The following RNF144B variants were observed in gnomAD, a reference collection of about 807,000 sequenced individuals.
RNF144B encodes the protein ring finger protein 144B, also known as E3 ubiquitin-protein ligase RNF144B.
RNF144B carries 25 observed loss-of-function variants against 40.2 expected under a neutral mutation model. The ratio of observed to expected loss-of-function variants is 0.62; its 90% CI spans 0.45 to 0.87. RNF144B has a LOEUF of 0.87. Among genes scored for constraint, RNF144B ranks in the 40% least tolerant of loss-of-function variants. RNF144B has a pLI of 0.00. For missense variants in RNF144B, 365 were observed against 373.7 expected (o/e 0.98, Z 0.19); for synonymous variants, 145 against 136.3 (o/e 1.06, Z -0.44).
Position 18,459,677 on chromosome 6 carries a change from A to G in RNF144B, c.607A>G (p.Asn203Asp), listed in dbSNP as rs1426090975. Residue 203 changes from asparagine to aspartate, a missense_variant, in exon 6 of 8, where the codon AAT (asparagine) becomes GAT (aspartate). Coordinates refer to ENST00000259939, the MANE Select transcript of RNF144B (RefSeq NM_182757.4). The surrounding 1 kb of genome is among the most constrained non-coding windows in gnomAD (Gnocchi z 4.2). Reference protein sequence around the residue: ...CPVCRVYIERNEGCAQMMCKN... With the variant: ...CPVCRVYIERDEGCAQMMCKN... ...AGTTTGCCGGGTTTATATCGAACGC[A>G]ATGAAGGCTGCGCTCAGATGATGTG... The G allele has an allele frequency of 2.5e-6, 4 of 1,614,024 alleles. No homozygotes were observed. The highest frequency in any genetic ancestry group is 3.4e-6 in the Non-Finnish European group (4 of 1,180,010).
intron 1 of RNF144B, chr6:18,396,910 A>G (rs1291170424): frequency 4.2e-6 from 3 of 717,276 alleles, no homozygotes; most frequent in East Asian, 2.6e-4. Context: ...GTGCAGGTCT[A>G]TTTGAATTTA....
chr6:18,418,725 G>A lies in RNF144B; in HGVS notation c.166-8856G>A, dbSNP rs568265789. ...TTAGATGGGTGCATTGTATGGGTACGTGAATTATATCTCAGTTATAGATAT... is the reference window on the plus strand; with the variant it reads ...TTAGATGGGTGCATTGTATGGGTACATGAATTATATCTCAGTTATAGATAT... On this transcript the variant is annotated intron_variant, in intron 2 of 7. Transcript: ENST00000259939. This position sits in a 1 kb window ranked among gnomAD's most constrained non-coding sequence, Gnocchi z 5.2. 3.3e-5 allele frequency among the ~76,000 whole-genome samples: 5 copies of A among 152,064 alleles called. No individual in the cohort carries two copies. The highest frequency in any genetic ancestry group is 2.1e-4 in the South Asian group (1 of 4,826).
intron 2 of RNF144B, among the ~76,000 whole-genome samples, chr6:18,403,773 G>C (rs188486441): frequency 1.1e-4 from 17 of 152,152 alleles, no homozygotes; most frequent in African/African-American, 4.1e-4. Context: ...TGGAAAGTTA[G>C]AGAAGCACGG....
intron 2 of RNF144B, among the ~76,000 whole-genome samples, chr6:18,420,347 T>C (rs1046664449): frequency 1.3e-5 from 2 of 152,134 alleles, no homozygotes; most frequent in African/African-American, 4.8e-5. Flanking sequence ...CAGTAAGTGC[T>C]GGATTCAGGC....
At position 18,418,642 on chromosome 6, in the gene RNF144B, A is replaced by G. The variant is rs1056817467; in HGVS notation, c.166-8939A>G. On this transcript the variant is annotated intron_variant, in intron 2 of 7. Transcript: ENST00000259939. The surrounding 1 kb of genome is among the most constrained non-coding windows in gnomAD (Gnocchi z 5.2). Reference sequence around the variant, plus strand: ...TTTTGGGATTATGAAATGTTCTAAAATCAAATTTGGTGATAGTTATACACT... The same window carrying G: ...TTTTGGGATTATGAAATGTTCTAAAGTCAAATTTGGTGATAGTTATACACT... Among the ~76,000 whole-genome samples, 2 of 152,152 alleles carry G rather than the reference A, an allele frequency of 1.3e-5. No homozygotes were observed.
At chr6:18,437,733 T>A (rs1758854453) in intron 3 of RNF144B, among the ~76,000 whole-genome samples, 1 of 152,254 alleles carries the variant, frequency 6.6e-6, no homozygotes, top group African/African-American at 2.4e-5. Context: ...TTTATTTTTC[T>A]AATTTAAAAT....
In RNF144B at chr6:18,395,852, G is replaced by C. The variant is rs1273398985; in HGVS notation, c.-36-3647G>C. 6.6e-6 allele frequency among the ~76,000 whole-genome samples: 1 copy of C among 152,220 alleles called. No homozygotes were observed. Among genetic ancestry groups the C allele is most frequent in the East Asian group, 1.9e-4 (1 of 5,170 alleles). ...AGATTTTTGTTTTTGAAAGCTCATT[G>C]CTTGAAAAATGTCTGAGAGCCATTG... On this transcript the variant is annotated intron_variant, in intron 1 of 7. Transcript: ENST00000259939. The surrounding 1 kb of genome is among the most constrained non-coding windows in gnomAD (Gnocchi z 4.5).
Position 18,468,760 on chromosome 6 carries a change from T to G in RNF144B, c.*3693T>G, listed in dbSNP as rs1336888155. 1.3e-5 allele frequency: 2 copies of G among 152,200 alleles called. No homozygotes were observed. The highest frequency in any genetic ancestry group is 4.8e-5 in the African/African-American group (2 of 41,438). The allele number at this position is 152,200 out of a possible 1,614,324, so 9.4% of individuals were successfully genotyped here. A position where few individuals can be genotyped will look rare whatever the true frequency, so the allele number is the denominator to read the frequency against. ...TATTATGTCTCATGTTGATTCATGA[T>G]CCAGGAAGTTTTATGTATTTAAAAA... On this transcript the variant is annotated 3_prime_UTR_variant, in exon 8 of 8. Transcript: ENST00000259939.
chr6:18,456,139 G>A lies in RNF144B; in HGVS notation c.332-1016G>A, dbSNP rs1271620337. Among the ~76,000 whole-genome samples, 2 of 152,152 alleles carry A rather than the reference G, an allele frequency of 1.3e-5. No individual in the cohort carries two copies. The highest frequency in any genetic ancestry group is 3.9e-4 in the East Asian group (2 of 5,184). On this transcript the variant is annotated intron_variant, in intron 4 of 7. Transcript: ENST00000259939. This position sits in a 1 kb window ranked among gnomAD's most constrained non-coding sequence, Gnocchi z 4.7. The stretch of plus-strand genomic sequence containing the variant: ...GTGTTTCACCCTGTTAGCCAGGATG[G>A]TCTTGATCTCCTAACCTTGTGATCC...
At chr6:18,415,300 A>G (rs990289191) in intron 2 of RNF144B, among the ~76,000 whole-genome samples, 1 of 152,208 alleles carries the variant, frequency 6.6e-6, no homozygotes, top group Non-Finnish European at 1.5e-5. Flanking sequence ...TATCAACAAC[A>G]GAAATCCACT....
rs1328008017 is a variant in RNF144B at position 18,456,731 on chromosome 6, T to C, written c.332-424T>C. Among the ~76,000 whole-genome samples, 1 of 152,170 alleles carries C rather than the reference T, an allele frequency of 6.6e-6. No homozygotes were observed. Among genetic ancestry groups the C allele is most frequent in the Non-Finnish European group, 1.5e-5 (1 of 68,024 alleles). ...GACTAATAGTAGAAATCCTCACCCT[T>C]GTTGTATTATACTTCCATAAATGTC... On this transcript the variant is annotated intron_variant, in intron 4 of 7. Transcript: ENST00000259939. The surrounding 1 kb of genome is among the most constrained non-coding windows in gnomAD (Gnocchi z 4.7).
intron 4 of RNF144B, among the ~76,000 whole-genome samples, chr6:18,453,425 A>T (rs1759257732): frequency 6.6e-6 from 1 of 151,932 alleles, no homozygotes; most frequent in Admixed American, 6.6e-5. Context: ...GGCATGAGCT[A>T]CTGCACCCAG....
intron 2 of RNF144B, 105 bp downstream of exon 2, chr6:18,399,804 A>G (rs1340951120): frequency 2.3e-6 from 2 of 852,308 alleles, no homozygotes; most frequent in Non-Finnish European, 3.6e-6. Flanking sequence ...GTGCTACAAT[A>G]TGATCCTGCT....
intron 3 of RNF144B, among the ~76,000 whole-genome samples, chr6:18,430,313 T>A (rs1173219322): frequency 6.6e-6 from 1 of 152,196 alleles, no homozygotes; most frequent in Non-Finnish European, 1.5e-5. Flanking sequence ...ATGCATAGTG[T>A]TTTAGAATTT....
rs905169796 is a variant in RNF144B at position 18,441,124 on chromosome 6, C to A, written c.331+1380C>A. Among the ~76,000 whole-genome samples the A allele has an allele frequency of 6.6e-6, 1 of 152,036 alleles. No homozygotes were observed. Among genetic ancestry groups the A allele is most frequent in the Non-Finnish European group, 1.5e-5 (1 of 68,006 alleles). The stretch of plus-strand genomic sequence containing the variant: ...ACTCTCTCTAATCCATCCACATGGG[C>A]CGATTAGATTGAGCATTATAACACC... On this transcript the variant is annotated intron_variant, in intron 4 of 7. Transcript: ENST00000259939. The surrounding 1 kb of genome is among the most constrained non-coding windows in gnomAD (Gnocchi z 4.9).
In RNF144B at chr6:18,399,702, G is replaced by A. The variant is rs1794763266; in HGVS notation, c.165+3G>A. ...GCCAGTGCATCTTTTGCACAGCTGT[G>A]AGTTTTCCTTGATGCTTTCACTATG... On this transcript the variant is annotated splice_donor_region_variant and intron_variant, in intron 2 of 7. Coordinates refer to ENST00000259939, the MANE Select transcript of RNF144B (RefSeq NM_182757.4). 6 of 1,609,126 alleles carry A rather than the reference G, an allele frequency of 3.7e-6. No individual in the cohort carries two copies. The highest frequency in any genetic ancestry group is 5.1e-6 in the Non-Finnish European group (6 of 1,176,166).
chr6:18,417,579 A>G (rs1011331339), intron 2 of RNF144B, among the ~76,000 whole-genome samples: 2 of 152,194 alleles, frequency 1.3e-5, no homozygotes, highest in Non-Finnish European at 2.9e-5. Flanking sequence ...AAACATTAAC[A>G]AAAATGGACC....
chr6:18,392,150 G>A (rs1168604743), intron 1 of RNF144B, among the ~76,000 whole-genome samples: 1 of 151,584 alleles, frequency 6.6e-6, no homozygotes. Flanking sequence ...AGAGCTTGCA[G>A]CAAGCTGAGA....
rs1758442893 is a variant in RNF144B, at chr6:18,422,230, T to C, written c.166-5351T>C. Among the ~76,000 whole-genome samples, 1 of 152,190 alleles carries C rather than the reference T, an allele frequency of 6.6e-6. No individual in the cohort carries two copies. Among genetic ancestry groups the C allele is most frequent in the South Asian group, 2.1e-4 (1 of 4,836 alleles). On this transcript the variant is annotated intron_variant, in intron 2 of 7. Transcript: ENST00000259939. This position sits in a 1 kb window ranked among gnomAD's most constrained non-coding sequence, Gnocchi z 4.7. ...ATACTATCTTGAATTGTGCTAATAA[T>C]TTAACTCAACAGCATCTAACAAAGG...
Sources: allele counts gnomAD v4.1 joint callset (sites outside exome capture counted in the v4.1 genomes callset), GRCh38; gene constraint gnomAD v4.1.1; non-coding constraint Gnocchi (gnomAD v3.1); transcripts MANE v1.5; gene names NCBI Gene and HGNC (gene_info 2026-07-23, HGNC 2026-07-21).